The following CCDC61 variants were observed in gnomAD, a reference collection of about 807,000 sequenced individuals.
CCDC61 encodes the protein coiled-coil domain containing 61.
A neutral mutation model predicts 63.0 loss-of-function variants in CCDC61; 55 were observed. That is an observed-to-expected ratio of 0.87 (90% CI 0.70 to 1.09). The LOEUF is 1.09. Ranked by LOEUF, CCDC61 falls within the 50% of genes least tolerant of loss-of-function variation. CCDC61 has a pLI of 0.00. For missense variants in CCDC61, 651 were observed against 731.4 expected, an observed-to-expected ratio of 0.89 and a Z score of 1.27; for synonymous variants, 270 against 317.0, an observed-to-expected ratio of 0.85 and a Z score of 1.58.
chr19:46,000,077 G>A, intron 1 of CCDC61: 4 of 985,126 alleles, frequency 4.1e-6, no homozygotes, highest in Non-Finnish European at 3.6e-6. Context: ...CAGGGTCAGC[G>A]GCGGGAGGGG....
At chr19:46,002,525 C>G (rs1968610755) in intron 1 of CCDC61, among the ~76,000 whole-genome samples, 1 of 150,988 alleles carries the variant, frequency 6.6e-6, no homozygotes, top group Admixed American at 6.6e-5. Context: ...ACTGCAAGCT[C>G]TGCCTCCAGC....
In CCDC61 at chr19:46,015,322, G is replaced by T. The variant is rs769863284; in HGVS notation, c.763-23G>T. The T allele has an allele frequency of 3.1e-6, 5 of 1,591,498 alleles. No homozygotes were observed. The African/African-American group carries it at 6.7e-5, about 21-fold the overall frequency. The stretch of plus-strand genomic sequence containing the variant: ...GACCTCGGCCTCAGCCTGGACCTCC[G>T]CGCCCCTCTCCCCTCCCGGCAGCTC... On this transcript the variant is annotated intron_variant, in intron 6 of 13. Coordinates refer to ENST00000595358, the MANE Select transcript of CCDC61 (RefSeq NM_001267723.2). This position sits in a 1 kb window ranked among gnomAD's most constrained non-coding sequence, Gnocchi z 5.3.
At chr19:46,005,157 T>C (rs1008954799) in intron 3 of CCDC61, among the ~76,000 whole-genome samples, 1 of 152,084 alleles carries the variant, frequency 6.6e-6, no homozygotes, top group Non-Finnish European at 1.5e-5. Context: ...ATTACAGGCA[T>C]GCGCCATCAT....
rs938257536 is a variant in CCDC61 at position 46,016,902 on chromosome 19, A to G, written c.1231+69A>G. ...GGCGGGGCTGGGCGGGCTGGGAGGCACTGGGCAGGGCGGGCGGGCTGGGAG... is the reference window on the plus strand; with the variant it reads ...GGCGGGGCTGGGCGGGCTGGGAGGCGCTGGGCAGGGCGGGCGGGCTGGGAG... On this transcript the variant is annotated intron_variant, in intron 10 of 13. Coordinates refer to ENST00000595358, the MANE Select transcript of CCDC61 (RefSeq NM_001267723.2). This position sits in a 1 kb window ranked among gnomAD's most constrained non-coding sequence, Gnocchi z 7.2. 6.7e-6 allele frequency: 3 copies of G among 450,418 alleles called. No homozygotes were observed. Among genetic ancestry groups the G allele is most frequent in the South Asian group, 3.3e-5 (2 of 60,496 alleles). 27.9% of individuals were successfully genotyped at this position (450,418 alleles called of 1,614,324 possible). A position where few individuals can be genotyped will look rare whatever the true frequency, so the allele number is the denominator to read the frequency against.
At chr19:46,002,410 C>CT (rs1281102374) in intron 1 of CCDC61, among the ~76,000 whole-genome samples, 17 of 149,454 alleles carry the variant, frequency 1.1e-4, no homozygotes, top group African/African-American at 4.2e-4. Context: ...AATCATGATT[C>CT]TTTTTTTGGC....
chr19:46,008,995 G>A (rs1026965391), intron 5 of CCDC61, among the ~76,000 whole-genome samples: 75 of 152,154 alleles, frequency 4.9e-4, no homozygotes, highest in African/African-American at 1.6e-3. Flanking sequence ...TGCCACTCAC[G>A]TAGTGCCCAG....
intron 1 of CCDC61, among the ~76,000 whole-genome samples, chr19:45,997,750 C>T (rs1968520749): frequency 6.6e-6 from 1 of 151,714 alleles, no homozygotes; most frequent in Non-Finnish European, 1.5e-5. Context: ...GCAGTGGCCT[C>T]ATCTCAGCTC....
At position 46,006,607 on chromosome 19, in the gene CCDC61, T is replaced by A. The variant is rs1285146608; in HGVS notation, c.280T>A (p.Ser94Thr). The change falls in exon 4 of 14, where the codon TCC becomes ACC. Residue 94 changes from serine (S) to threonine (T), a missense_variant. Ser to Thr is a moderately conservative substitution (Grantham distance 58). Transcript: ENST00000595358. ...CCTGCTGACCTACACAGACCTGGAG[T>A]CCCTGCGGAACCGCAAGATGGGGGG... ...LDLLTYTDLE[S>T]LRNRKMGGRP... 1.1e-5 allele frequency: 18 copies of A among 1,612,998 alleles called. No homozygotes were observed. The Admixed American group carries it at 3.0e-4, about 27-fold the overall frequency.
intron 11 of CCDC61, 53 bp from the exon 12 acceptor site, chr19:46,017,194 G>A (rs372980641): frequency 1.4e-5 from 22 of 1,543,890 alleles, no homozygotes; most frequent in Admixed American, 2.0e-5. Flanking sequence ...TCGGGGAGGT[G>A]GGAAGTACCA....
intron 1 of CCDC61, among the ~76,000 whole-genome samples, chr19:45,997,670 C>T (rs760566045): frequency 2.0e-5 from 3 of 151,192 alleles, no homozygotes; most frequent in Admixed American, 6.6e-5. Flanking sequence ...AGATTACAGG[C>T]GTGAGCCACT....
chr19:46,017,348 C>A, intron 12 of CCDC61, 44 bp downstream of exon 12: 1 of 1,514,224 alleles, frequency 6.6e-7, no homozygotes, highest in Non-Finnish European at 8.9e-7. Flanking sequence ...ACAGCTGCCC[C>A]CATTTCCTGT....
At chr19:46,006,762 G>A (rs769047597) in intron 4 of CCDC61, 46 bp downstream of exon 4, 3 of 1,550,110 alleles carry the variant, frequency 1.9e-6, no homozygotes, top group Non-Finnish European at 2.6e-6. Flanking sequence ...TGGGCGGGGT[G>A]GGAGAGGATG....
At chr19:46,011,815 T>G (rs1407118684) in intron 5 of CCDC61, among the ~76,000 whole-genome samples, 2 of 152,224 alleles carry the variant, frequency 1.3e-5, no homozygotes, top group African/African-American at 4.8e-5. Flanking sequence ...TTCTTTTTCT[T>G]TTTTTGAGAC....
In CCDC61 at chr19:46,015,013, C is replaced by CCT. The variant is rs1268079020; in HGVS notation, c.552-28_552-27dup. On this transcript the variant is annotated intron_variant, in intron 5 of 13. Coordinates refer to ENST00000595358, the MANE Select transcript of CCDC61 (RefSeq NM_001267723.2). This position sits in a 1 kb window ranked among gnomAD's most constrained non-coding sequence, Gnocchi z 5.3. ...ATGGAGTAGTGGGAATGGGGCCATG[C>CCT]CTCTCTCTCCAGCGCTCTCTCCGCG... 4.1e-6 allele frequency: 6 copies of CCT among 1,473,636 alleles called. No individual in the cohort carries two copies. Among genetic ancestry groups the CCT allele is most frequent in the Admixed American group, 2.2e-5 (1 of 46,438 alleles). 91.3% of individuals were successfully genotyped at this position (1,473,636 alleles called of 1,614,324 possible).
At position 46,016,149 on chromosome 19, in the gene CCDC61, G is replaced by A. The variant is rs773571825; in HGVS notation, c.941G>A (p.Arg314His). 4 of 1,248,166 alleles carry A rather than the reference G, an allele frequency of 3.2e-6. No individual in the cohort carries two copies. The highest frequency in any genetic ancestry group is 4.0e-6 in the Non-Finnish European group (4 of 998,566). 77.3% of individuals were successfully genotyped at this position (1,248,166 alleles called of 1,614,324 possible). A position where few individuals can be genotyped will look rare whatever the true frequency, so the allele number is the denominator to read the frequency against. The change falls in exon 8 of 14, where the codon CGC becomes CAC. Residue 314 changes from arginine to histidine, a missense_variant. Physicochemically the swap from Arg to His is conservative, Grantham distance 29. Coordinates refer to ENST00000595358, the MANE Select transcript of CCDC61 (RefSeq NM_001267723.2). This position sits in a 1 kb window ranked among gnomAD's most constrained non-coding sequence, Gnocchi z 7.2. ...GCGTCGCGAGGCCGCGGCGCCGCGC[G>A]CTCCTCATCCCGGGAGAGCGGCCGC... Reference protein sequence around the residue: ...RSASRGRGAARSSSRESGRGS... With the variant: ...RSASRGRGAAHSSSRESGRGS...
chr19:46,000,393 G>T (rs1213539639), intron 1 of CCDC61, among the ~76,000 whole-genome samples: 5 of 152,058 alleles, frequency 3.3e-5, no homozygotes, highest in Admixed American at 3.3e-4. Flanking sequence ...AGCCCTAGGA[G>T]ACCGTGGGTG....
In CCDC61 at chr19:46,017,310, T is replaced by C. The variant is rs1968964729; in HGVS notation, c.1368+6T>C. ...CCTGGAGTGGGTCCAATATGGTGAG[T>C]AGAAGGGGCAACATAAACCACTGGA... On this transcript the variant is annotated splice_donor_region_variant and intron_variant, in intron 12 of 13. Coordinates refer to ENST00000595358, the MANE Select transcript of CCDC61 (RefSeq NM_001267723.2). The C allele has an allele frequency of 4.5e-6, 7 of 1,557,868 alleles. No homozygotes were observed. The highest frequency in any genetic ancestry group is 4.1e-5 in the African/African-American group (3 of 73,230).
chr19:46,010,824 T>C (rs1349058915), intron 5 of CCDC61, among the ~76,000 whole-genome samples: 1 of 152,210 alleles, frequency 6.6e-6, no homozygotes, highest in African/African-American at 2.4e-5. Context: ...GTGTCTCCTC[T>C]GTAAAAGCAT....
chr19:46,017,746 G>T (rs969708299), intron 12 of CCDC61, among the ~76,000 whole-genome samples: 1 of 152,158 alleles, frequency 6.6e-6, no homozygotes, highest in African/African-American at 2.4e-5. Flanking sequence ...TGAGGGGCAC[G>T]TGATGCTCTT....
Sources: gnomAD v4.1 joint callset for allele counts (sites outside exome capture counted in the v4.1 genomes callset) on GRCh38, gnomAD v4.1.1 for gene constraint, Gnocchi (gnomAD v3.1) non-coding constraint, MANE v1.5 for transcripts, NCBI Gene and HGNC (gene_info 2026-07-23, HGNC 2026-07-21) for gene names.